The following GRM8 variants were observed in gnomAD, a reference collection of about 807,000 sequenced individuals.
The protein encoded by GRM8 is glutamate metabotropic receptor 8.
GRM8 carries 47 observed loss-of-function variants against 87.2 expected under a neutral mutation model. That is an observed-to-expected ratio of 0.54 (90% confidence interval 0.43 to 0.69). GRM8 has a LOEUF of 0.69. Among genes scored for constraint, GRM8 ranks in the 30% least tolerant of loss-of-function variants. The probability of loss-of-function intolerance (pLI) is 0.00; values close to 1 mark genes in which losing one functional copy is unlikely to be tolerated. For missense variants in GRM8, 1,019 were observed against 1,139.2 expected (o/e 0.89, Z 1.52); for synonymous variants, 396 against 404.5 (o/e 0.98, Z 0.25).
chr7:127,003,258 T>C (rs186887449), intron 3 of GRM8, among the ~76,000 whole-genome samples: 345 of 151,920 alleles, frequency 2.3e-3, no homozygotes, highest in African/African-American at 7.9e-3. Flanking sequence ...GTTAAATGAA[T>C]TTTAAATACA....
rs1563414475 is a variant in GRM8 at position 127,015,239 on chromosome 7, AAGAAGAAGAAGAAGAAGAAGAAAAGAGAG to A, written c.727+91228_727+91256del. Among the ~76,000 whole-genome samples, 6 of 133,798 alleles carry A rather than the reference AAGAAGAAGAAGAAGAAGAAGAAAAGAGAG, an allele frequency of 4.5e-5. 1 individual carries two copies. The highest frequency in any genetic ancestry group is 1.2e-4 in the African/African-American group (4 of 34,576). 87.8% of individuals were successfully genotyped at this position (133,798 alleles called of 152,430 possible). On this transcript the variant is annotated intron_variant, in intron 3 of 10. Coordinates refer to ENST00000339582, the MANE Select transcript of GRM8 (RefSeq NM_000845.3). Reference sequence around the variant, plus strand: ...GAAGAAGAAGAAGAAGAAGAAGAAGAAGAAGAAGAAGAAGAAGAAGAAAAGAGAGAGAGAGAGAGAGAGAGAATGAACAT... The same window carrying A: ...GAAGAAGAAGAAGAAGAAGAAGAAGAAGAGAGAGAGAGAGAGAATGAACAT...
At chr7:126,599,492 T>C (rs906384415) in intron 8 of GRM8, among the ~76,000 whole-genome samples, 1 of 152,154 alleles carries the variant, frequency 6.6e-6, no homozygotes, top group Non-Finnish European at 1.5e-5. Context: ...AAGTCCCATA[T>C]TATACTAATC....
chr7:127,040,022 GAGGAGGGAGGGGAGGGT>G (rs1818259014), intron 3 of GRM8, among the ~76,000 whole-genome samples: 1 of 55,750 alleles, frequency 1.8e-5, no homozygotes, highest in Non-Finnish European at 3.8e-5. Context: ...AGGGGAGGGT[GAGGAGGGAGGGGAGGGT>G]GAGGAGGGTG....
intron 6 of GRM8, among the ~76,000 whole-genome samples, chr7:126,875,684 T>G (rs1799473422): frequency 2.0e-5 from 3 of 152,014 alleles, no homozygotes. Context: ...CACCAACTAT[T>G]TATCAAAAAC....
At chr7:126,906,443 G>A (rs1026052492) in intron 3 of GRM8, among the ~76,000 whole-genome samples, 1 of 152,132 alleles carries the variant, frequency 6.6e-6, no homozygotes, top group African/African-American at 2.4e-5. Flanking sequence ...ATCCTCCGGA[G>A]TAACTGGGAT....
At chr7:126,832,863 C>T (rs1377892432) in intron 6 of GRM8, among the ~76,000 whole-genome samples, 2 of 152,156 alleles carry the variant, frequency 1.3e-5, no homozygotes, top group African/African-American at 4.8e-5. Flanking sequence ...CTGTATTACA[C>T]CATAAATCAC....
chr7:126,577,359 A>C (rs948536399), intron 8 of GRM8, among the ~76,000 whole-genome samples: 2 of 152,204 alleles, frequency 1.3e-5, no homozygotes, highest in Non-Finnish European at 2.9e-5. Context: ...CACTAACTTT[A>C]AAAATAATCC....
In GRM8 at chr7:126,702,015, T is replaced by G. The variant is rs75084893; in HGVS notation, c.1357+67850A>C. Among the ~76,000 whole-genome samples the G allele has an allele frequency of 2.2e-4, 34 of 152,316 alleles. 1 individual carries two copies. In the East Asian group the frequency reaches 6.4e-3, roughly 28 times the overall value. On this transcript the variant is annotated intron_variant, in intron 7 of 10. Transcript: ENST00000339582. The stretch of plus-strand genomic sequence containing the variant: ...TTTGGTCACCCCAACTAAAAGGGAA[T>G]CTTGTCAGAGACCAATGAGTGTCGT...
chr7:127,125,665 C>A (rs1481329886), intron 2 of GRM8, among the ~76,000 whole-genome samples: 1 of 151,384 alleles, frequency 6.6e-6, no homozygotes, highest in African/African-American at 2.4e-5. Flanking sequence ...AAAGAAATAA[C>A]AGAGTGAACA....
intron 3 of GRM8, among the ~76,000 whole-genome samples, chr7:126,991,489 G>A (rs189009020): frequency 6.6e-6 from 1 of 152,170 alleles, no homozygotes; most frequent in African/African-American, 2.4e-5. Context: ...TTACTTAAAA[G>A]GTAGGGCCTT....
chr7:126,449,273 C>T (rs1802354990), intron 9 of GRM8, among the ~76,000 whole-genome samples: 1 of 151,810 alleles, frequency 6.6e-6, no homozygotes, highest in South Asian at 2.1e-4. Flanking sequence ...ACCAATCAAT[C>T]TTCCCTGGTT....
chr7:126,926,570 G>C (rs1288976462), intron 3 of GRM8, among the ~76,000 whole-genome samples: 6 of 152,182 alleles, frequency 3.9e-5, no homozygotes, highest in Admixed American at 3.3e-4. Context: ...ATTTCAATCT[G>C]ATGGTGAACG....
chr7:126,869,916 G>A (rs1456922658), intron 6 of GRM8: 1 of 115,790 alleles, frequency 8.6e-6, no homozygotes, highest in African/African-American at 3.4e-5. Flanking sequence ...GCCAGGTATT[G>A]ACTTTTCCTC....
At chr7:127,056,895 A>G (rs906585453) in intron 3 of GRM8, among the ~76,000 whole-genome samples, 9 of 152,224 alleles carry the variant, frequency 5.9e-5, no homozygotes, top group African/African-American at 2.2e-4. Flanking sequence ...TTGCAGAAGG[A>G]GTGATAAAGC....
chr7:127,097,095 C>A (rs1478550879), intron 3 of GRM8, among the ~76,000 whole-genome samples: 1 of 152,114 alleles, frequency 6.6e-6, no homozygotes, highest in East Asian at 1.9e-4. Flanking sequence ...GATCTTTCCA[C>A]TAAGAAAAAA....
chr7:126,642,768 T>C (rs1314260331), intron 7 of GRM8, among the ~76,000 whole-genome samples: 3 of 152,148 alleles, frequency 2.0e-5, no homozygotes, highest in Non-Finnish European at 4.4e-5. Context: ...GCAGTGTTGC[T>C]AGTGGTCAAA....
At chr7:126,757,293 A>G (rs946291944) in intron 7 of GRM8, among the ~76,000 whole-genome samples, 1 of 152,070 alleles carries the variant, frequency 6.6e-6, no homozygotes, top group African/African-American at 2.4e-5. Context: ...GCGAGGGTGT[A>G]ATGAGGAATA....
At position 126,675,843 on chromosome 7, in the gene GRM8, C is replaced by T. The variant is rs543029542; in HGVS notation, c.1358-66345G>A. 2.0e-5 allele frequency among the ~76,000 whole-genome samples: 3 copies of T among 152,260 alleles called. No individual in the cohort carries two copies. In the South Asian group the frequency reaches 6.2e-4, roughly 32 times the overall value. On this transcript the variant is annotated intron_variant, in intron 7 of 10. Coordinates refer to ENST00000339582, the MANE Select transcript of GRM8 (RefSeq NM_000845.3). ...TAAGAACTGGAACAAGATCAGGATG[C>T]CCACTTTCACCACTTCTGTTCAACA...
At chr7:127,215,359 A>C (rs1796459081) in intron 2 of GRM8, 1 of 152,222 alleles carries the variant, frequency 6.6e-6, no homozygotes, top group Non-Finnish European at 1.5e-5. Context: ...TTTCTTTGCC[A>C]AATGGATTTT....
Sources: gnomAD v4.1 joint callset for allele counts (sites outside exome capture counted in the v4.1 genomes callset) on GRCh38, gnomAD v4.1.1 for gene constraint, MANE v1.5 for transcripts, NCBI Gene and HGNC (gene_info 2026-07-23, HGNC 2026-07-21) for gene names.